Variants in CACNA1B observed in about 807,000 individuals in gnomAD.
The protein encoded by CACNA1B is voltage-dependent N-type calcium channel subunit alpha-1B.
CACNA1B carries 70 observed loss-of-function variants against 247.2 expected under a neutral mutation model. That is an observed-to-expected ratio of 0.28 (90% CI 0.23 to 0.35). CACNA1B has a LOEUF of 0.35. Ranked by LOEUF, CACNA1B falls within the 10% of genes least tolerant of loss-of-function variation. The probability of loss-of-function intolerance (pLI) is 1.00; values close to 1 mark genes in which losing one functional copy is unlikely to be tolerated. For missense variants in CACNA1B, 2,367 were observed against 3,197.4 expected, an observed-to-expected ratio of 0.74 and a Z score of 6.26; for synonymous variants, 1,231 against 1,294.4, an observed-to-expected ratio of 0.95 and a Z score of 1.05.
intron 15 of CACNA1B, among the ~76,000 whole-genome samples, chr9:137,997,351 G>A (rs751611340): frequency 2.0e-5 from 3 of 152,050 alleles, no homozygotes; most frequent in Non-Finnish European, 2.9e-5. Flanking sequence ...AAAAATTGTC[G>A]GGATTGACAA....
intron 3 of CACNA1B, among the ~76,000 whole-genome samples, chr9:137,896,957 T>C (rs554489235): frequency 6.6e-6 from 1 of 152,342 alleles, no homozygotes; most frequent in African/African-American, 2.4e-5. Flanking sequence ...CTGTAGGGTT[T>C]GTAATAGCTC....
chr9:137,943,203 T>C (rs1042659438), intron 6 of CACNA1B, among the ~76,000 whole-genome samples: 1 of 152,186 alleles, frequency 6.6e-6, no homozygotes, highest in Non-Finnish European at 1.5e-5. Flanking sequence ...TATGGGCTCA[T>C]ATTAATTTTT....
intron 36 of CACNA1B, among the ~76,000 whole-genome samples, chr9:138,091,694 T>TA (rs760569402): frequency 1.3e-5 from 2 of 151,896 alleles, no homozygotes; most frequent in African/African-American, 4.8e-5. Flanking sequence ...ACATGTCAAT[T>TA]AAAAAAATAA....
chr9:138,091,185 CA>C (rs1375530295), intron 36 of CACNA1B, among the ~76,000 whole-genome samples: 1 of 152,110 alleles, frequency 6.6e-6, no homozygotes, highest in Non-Finnish European at 1.5e-5. Context: ...TCCTTATACA[CA>C]ATGGAATACT....
chr9:138,111,137 C>T (rs535037136), intron 39 of CACNA1B, among the ~76,000 whole-genome samples: 8 of 152,282 alleles, frequency 5.3e-5, no homozygotes, highest in East Asian at 3.9e-4. Context: ...GACAGTTTGC[C>T]GTTACTTCTA....
Position 138,118,021 on chromosome 9 carries a change from C to T in CACNA1B, c.5853C>T (p.Ala1951=). 6.2e-7 allele frequency: 1 copy of T among 1,601,148 alleles called. No homozygotes were observed. Among genetic ancestry groups the T allele is most frequent in the Non-Finnish European group, 8.5e-7 (1 of 1,173,908 alleles). Residue 1951 remains alanine, a synonymous_variant, in exon 43 of 47, where the codon GCC becomes GCT. Transcript: ENST00000371372. Reference sequence around the variant, plus strand: ...GGACCCAGGATGCACCCCATGAGGCCAGGCCACCCCTGGAGCGTGGCCACT... The same window carrying T: ...GGACCCAGGATGCACCCCATGAGGCTAGGCCACCCCTGGAGCGTGGCCACT... ...TQRTQDAPHE[A]RPPLERGHST...
In CACNA1B at chr9:138,023,272, G is replaced by C; in HGVS notation, c.2529G>C (p.Glu843Asp). The C allele has an allele frequency of 6.6e-7, 1 of 1,516,146 alleles. No homozygotes were observed. The highest frequency in any genetic ancestry group is 2.6e-5 in the East Asian group (1 of 38,178). 93.9% of individuals were successfully genotyped at this position (1,516,146 alleles called of 1,614,324 possible). ...KARPEAAEAP[E>D]GVDPPRRHHR... ...GACCTGAGGCTGCGGAGGCCCCCGAGGGCGTCGACCCTCCGCGCAGGCACC... is the reference window on the plus strand; with the variant it reads ...GACCTGAGGCTGCGGAGGCCCCCGACGGCGTCGACCCTCCGCGCAGGCACC... Residue 843 changes from glutamate (E) to aspartate (D), a missense_variant, in exon 19 of 47, where the codon GAG (glutamate) becomes GAC (aspartate). Glu to Asp is a conservative substitution (Grantham distance 45). Around this residue, in one of 12 missense-constraint regions of CACNA1B, gnomAD observed 631 missense variants for 631.1 expected, o/e 1.00. Coordinates refer to ENST00000371372, the MANE Select transcript of CACNA1B (RefSeq NM_000718.4).
At chr9:138,021,948 C>T (rs555780138) in intron 18 of CACNA1B, among the ~76,000 whole-genome samples, 6 of 152,250 alleles carry the variant, frequency 3.9e-5, no homozygotes, top group South Asian at 2.1e-4. Flanking sequence ...TTCTCCCTGG[C>T]GATGGTGGGG....
chr9:138,043,901 G>A lies in CACNA1B; in HGVS notation c.3413+1G>A. The A allele has an allele frequency of 6.2e-7, 1 of 1,612,956 alleles. No individual in the cohort carries two copies. Among genetic ancestry groups the A allele is most frequent in the Non-Finnish European group, 8.5e-7 (1 of 1,179,008 alleles). On this transcript the variant is annotated splice_donor_variant, in intron 21 of 46. Transcript: ENST00000371372. LOFTEE classifies it high-confidence loss of function. ...TGTTCTGTTTAAGCCCCACCAACCT[G>A]TGAGTCTCCTTGCCTGCTGGTGTGT... is the stretch of plus-strand genomic sequence containing the variant.
intron 39 of CACNA1B, among the ~76,000 whole-genome samples, chr9:138,106,268 C>G (rs549151537): frequency 3.9e-5 from 6 of 152,170 alleles, no homozygotes; most frequent in Admixed American, 2.6e-4. Flanking sequence ...TTCTTCCCCA[C>G]GTCCACCTTC....
chr9:138,045,369 G>T (rs1959173169), intron 21 of CACNA1B, among the ~76,000 whole-genome samples: 1 of 152,202 alleles, frequency 6.6e-6, no homozygotes, highest in African/African-American at 2.4e-5. Context: ...TGAGTAGATG[G>T]TAAGGGTTTC....
chr9:137,952,446 G>C lies in CACNA1B; in HGVS notation c.1070+69G>C. On this transcript the variant is annotated intron_variant, in intron 7 of 46. Coordinates refer to ENST00000371372, the MANE Select transcript of CACNA1B (RefSeq NM_000718.4). The surrounding 1 kb of genome is among the most constrained non-coding windows in gnomAD (Gnocchi z 4.8). ...TCAGCTGAGGGGTCAACAGGGGCAC[G>C]TGTGACACTTGGGGTGGGGGCCTGG... The C allele has an allele frequency of 7.7e-7, 1 of 1,304,146 alleles. No individual in the cohort carries two copies. The highest frequency in any genetic ancestry group is 1.1e-6 in the Non-Finnish European group (1 of 902,070). 80.8% of individuals were successfully genotyped at this position (1,304,146 alleles called of 1,614,324 possible).
At chr9:137,941,021 T>C (rs574547285) in intron 6 of CACNA1B, among the ~76,000 whole-genome samples, 26 of 152,218 alleles carry the variant, frequency 1.7e-4, no homozygotes, top group African/African-American at 6.3e-4. Flanking sequence ...GGATGCTCAC[T>C]CTCACCACTC....
At position 138,115,548 on chromosome 9, in the gene CACNA1B, G is replaced by T. The variant is rs1382067130; in HGVS notation, c.5650-4G>T. 5.0e-6 allele frequency: 8 copies of T among 1,611,728 alleles called. No homozygotes were observed. The highest frequency in any genetic ancestry group is 5.9e-6 in the Non-Finnish European group (7 of 1,179,026). Reference sequence around the variant, plus strand: ...TCTTTCCCTTCCCTTTGCCTCCTTTGCAGATGGGTCCTGTGTCCCTGTTCC... The same window carrying T: ...TCTTTCCCTTCCCTTTGCCTCCTTTTCAGATGGGTCCTGTGTCCCTGTTCC... On this transcript the variant is annotated splice_region_variant and splice_polypyrimidine_tract_variant and intron_variant, in intron 41 of 46. Transcript: ENST00000371372.
At chr9:138,115,432 C>T in intron 41 of CACNA1B, 120 bp from the exon 42 acceptor site, 1 of 1,050,242 alleles carries the variant, frequency 9.5e-7, no homozygotes, top group Non-Finnish European at 1.4e-6. Flanking sequence ...GGGAAAGAGC[C>T]CTTAGGCTGG....
rs1246538834 is a variant in CACNA1B at position 138,083,513 on chromosome 9, T to C, written c.5094+5255T>C. 2.0e-5 allele frequency among the ~76,000 whole-genome samples: 3 copies of C among 150,548 alleles called. 1 individual carries two copies. The highest frequency in any genetic ancestry group is 7.4e-5 in the African/African-American group (3 of 40,586). Reference sequence around the variant, plus strand: ...TCCCTGCATCCCAGGAAATGGTGCGTTGGCCACCCAGAGCAGTCACATCCC... The same window carrying C: ...TCCCTGCATCCCAGGAAATGGTGCGCTGGCCACCCAGAGCAGTCACATCCC... On this transcript the variant is annotated intron_variant, in intron 36 of 46. Transcript: ENST00000371372.
At chr9:137,997,143 G>A (rs978576502) in intron 15 of CACNA1B, among the ~76,000 whole-genome samples, 2 of 152,198 alleles carry the variant, frequency 1.3e-5, no homozygotes, top group Admixed American at 6.5e-5. Context: ...TGAGAGGAGC[G>A]GAGATAAGAT....
chr9:137,884,697 C>T (rs188304050), intron 3 of CACNA1B, among the ~76,000 whole-genome samples: 3 of 151,990 alleles, frequency 2.0e-5, no homozygotes, highest in Admixed American at 6.5e-5. Context: ...TGCGGGCCAG[C>T]GGGCAGCTGG....
Position 137,881,488 on chromosome 9 carries a change from T to C in CACNA1B, c.391-1256T>C, listed in dbSNP as rs899081137. Among the ~76,000 whole-genome samples the C allele has an allele frequency of 2.0e-5, 3 of 152,174 alleles. No homozygotes were observed. Among genetic ancestry groups the C allele is most frequent in the Non-Finnish European group, 4.4e-5 (3 of 68,030 alleles). On this transcript the variant is annotated intron_variant, in intron 2 of 46. Transcript: ENST00000371372. The surrounding 1 kb of genome is among the most constrained non-coding windows in gnomAD (Gnocchi z 4.3). ...TCTGTGGCAGCCCAGCAGCTGCTTC[T>C]TCCTGTGACTTCCACAGTCCTGAAG...
Sources: allele counts gnomAD v4.1 joint callset (sites outside exome capture counted in the v4.1 genomes callset), GRCh38; gene constraint gnomAD v4.1.1; regional missense constraint gnomAD v4.1.1; non-coding constraint Gnocchi (gnomAD v3.1); transcripts MANE v1.5; gene names NCBI Gene and HGNC (gene_info 2026-07-23, HGNC 2026-07-21).